The following RRBP1 variants were observed in gnomAD, a reference collection of about 807,000 sequenced individuals.
RRBP1 encodes the protein ribosome-binding protein 1.
Under a neutral mutation model 165.2 loss-of-function variants are expected in RRBP1, and 94 were observed. The ratio of observed to expected loss-of-function variants is 0.57; its 90% confidence interval spans 0.48 to 0.68. RRBP1 has a LOEUF of 0.68. RRBP1 is among the 30% of genes least tolerant of loss of function. The pLI is 0.00. For missense variants in RRBP1, 1,676 were observed against 1,763.0 expected (o/e 0.95, Z 0.88); for synonymous variants, 680 against 714.5 (o/e 0.95, Z 0.77).
chr20:17,654,342 C>T (rs2036610381), intron 3 of RRBP1, among the ~76,000 whole-genome samples: 1 of 152,168 alleles, frequency 6.6e-6, no homozygotes. Flanking sequence ...AGATGCTGCT[C>T]CCCCAGTGAG....
chr20:17,615,599 A>G (rs1342857022), intron 22 of RRBP1, 70 bp from the exon 23 acceptor site: 15 of 1,334,120 alleles, frequency 1.1e-5, no homozygotes, highest in Non-Finnish European at 1.5e-5. Flanking sequence ...GACCCTACCG[A>G]GCACGCCTGG....
In RRBP1 at chr20:17,633,427, C is replaced by G. The variant is rs1555813575; in HGVS notation, c.2610+33G>C. The G allele has an allele frequency of 4.4e-6, 7 of 1,601,242 alleles. No homozygotes were observed. In the Admixed American group the frequency reaches 1.2e-4, roughly 27 times the overall value. On this transcript the variant is annotated intron_variant, in intron 8 of 24. Transcript: ENST00000377813. ...GCAGACAGGCTTGCTGGGCAGTGAA[C>G]AGGGCACTGAGGCGGCCACTGCCCC...
chr20:17,675,190 A>G (rs757412394), intron 2 of RRBP1, among the ~76,000 whole-genome samples: 3 of 152,262 alleles, frequency 2.0e-5, no homozygotes, highest in Non-Finnish European at 4.4e-5. Flanking sequence ...TGCCCTCTGC[A>G]TGTGACTGTC....
chr20:17,676,661 AAC>A (rs1449673736), intron 2 of RRBP1, among the ~76,000 whole-genome samples: 5 of 152,218 alleles, frequency 3.3e-5, no homozygotes, highest in Non-Finnish European at 7.3e-5. Flanking sequence ...AGAGAGGACA[AAC>A]ACAGTCCACG....
intron 3 of RRBP1, among the ~76,000 whole-genome samples, chr20:17,656,401 C>T (rs1265614348): frequency 6.6e-6 from 1 of 152,192 alleles, no homozygotes; most frequent in African/African-American, 2.4e-5. Context: ...TCTGGGCTAA[C>T]CCATATTCAT....
intron 3 of RRBP1, among the ~76,000 whole-genome samples, chr20:17,648,171 C>A (rs2036498064): frequency 1.3e-5 from 2 of 152,176 alleles, no homozygotes; most frequent in African/African-American, 4.8e-5. Context: ...AGGTGGGACG[C>A]AAGACGCTCT....
chr20:17,637,877 A>G (rs2036277053), intron 5 of RRBP1, among the ~76,000 whole-genome samples: 1 of 152,190 alleles, frequency 6.6e-6, no homozygotes, highest in African/African-American at 2.4e-5. Context: ...ATGAGCTGAC[A>G]CTGCGCCCCA....
chr20:17,638,123 TA>T (rs1253746672), intron 5 of RRBP1, among the ~76,000 whole-genome samples: 1 of 152,154 alleles, frequency 6.6e-6, no homozygotes, highest in African/African-American at 2.4e-5. Context: ...GAGGACAGCT[TA>T]GCGGTGATTC....
intron 3 of RRBP1, among the ~76,000 whole-genome samples, chr20:17,654,876 CCT>C (rs1339897202): frequency 2.0e-5 from 3 of 152,204 alleles, no homozygotes; most frequent in Non-Finnish European, 2.9e-5. Context: ...TCCAGCAGCC[CCT>C]GCCTTCCAGG....
chr20:17,649,739 C>T (rs2122399894), intron 3 of RRBP1, among the ~76,000 whole-genome samples: 1 of 152,268 alleles, frequency 6.6e-6, no homozygotes, highest in South Asian at 2.1e-4. Context: ...ACCCCAGCCC[C>T]ATTAGATTGC....
At chr20:17,644,358 T>C (rs1300412690) in intron 3 of RRBP1, among the ~76,000 whole-genome samples, 1 of 152,166 alleles carries the variant, frequency 6.6e-6, no homozygotes, top group Non-Finnish European at 1.5e-5. Flanking sequence ...TTCACTGAAA[T>C]ACGTGTATGT....
Position 17,629,881 on chromosome 20 carries a change from G to C in RRBP1, c.2691C>G (p.Ser897Arg). The C allele has an allele frequency of 6.2e-7, 1 of 1,600,346 alleles. No homozygotes were observed. The highest frequency in any genetic ancestry group is 1.7e-4 in the Middle Eastern group (1 of 6,052). The change falls in exon 9 of 25, where the codon AGC becomes AGG. Residue 897 changes from serine to arginine, a missense_variant. This residue lies in a region of RRBP1 where 1,184 missense variants were observed against 1,167.1 expected (regional missense o/e 1.01). Transcript: ENST00000377813. ...CGGCATCCGCCCGGAGGCTGGCGTG[G>C]CTGCTCTGCGTGTGGCACAGCTCCC... ...VSRELCHTQS[S>R]HASLRADAEK...
chr20:17,659,745 TTCC>T lies in RRBP1; in HGVS notation c.760_762del (p.Gly254del), dbSNP rs889875025. 6.5e-7 allele frequency: 1 copy of T among 1,549,876 alleles called. No individual in the cohort carries two copies. The highest frequency in any genetic ancestry group is 1.4e-5 in the African/African-American group (1 of 72,846). On this transcript the variant is annotated inframe_deletion, in exon 3 of 25. Coordinates refer to ENST00000377813, the MANE Select transcript of RRBP1 (RefSeq NM_001365613.2). ...TCCGCCTTTTTGCCTTGGTTTGGGG[TTCC>T]TTCTGCCTTTTTGCCTTGGTTTGGG...
At chr20:17,662,155 C>T (rs902805917) in intron 2 of RRBP1, among the ~76,000 whole-genome samples, 2 of 151,766 alleles carry the variant, frequency 1.3e-5, no homozygotes, top group East Asian at 1.9e-4. Context: ...CCAGGCTACT[C>T]GGGAGGCTGA....
At chr20:17,629,364 G>A (rs73898386) in intron 9 of RRBP1, among the ~76,000 whole-genome samples, 2,650 of 152,336 alleles carry the variant, frequency 0.017, 80 homozygotes, top group African/African-American at 0.061. Flanking sequence ...CCACAGGCTT[G>A]TAAATCCTGC....
rs183094934 is a variant in RRBP1 at position 17,675,554 on chromosome 20, G to C, written c.-22+4445C>G. ...ATGCAGAGAAGGGGGGCAGGGAGTG[G>C]GGGTGGGAGAGCGTCAGAGGCTGAC... On this transcript the variant is annotated intron_variant, in intron 2 of 24. Coordinates refer to ENST00000377813, the MANE Select transcript of RRBP1 (RefSeq NM_001365613.2). Among the ~76,000 whole-genome samples, 223 of 151,888 alleles carry C rather than the reference G, an allele frequency of 1.5e-3. 3 individuals are homozygous for C. Among genetic ancestry groups the C allele is most frequent in the African/African-American group, 5.1e-3 (213 of 41,400 alleles).
In RRBP1 at chr20:17,625,500, T is replaced by C. The variant is rs1266534313; in HGVS notation, c.3054+12A>G. The C allele has an allele frequency of 1.2e-6, 2 of 1,612,630 alleles. No homozygotes were observed. The highest frequency in any genetic ancestry group is 2.2e-5 in the East Asian group (1 of 44,856). On this transcript the variant is annotated intron_variant, in intron 12 of 24. Transcript: ENST00000377813. ...TGGCCCGTCCGTCCCCGCCTGTGCC[T>C]GCCGCACTCACATTGTTCTTCACTT... is the stretch of plus-strand genomic sequence containing the variant.
Position 17,614,795 on chromosome 20 carries a change from T to C in RRBP1, c.4136A>G (p.Glu1379Gly). 6.2e-7 allele frequency: 1 copy of C among 1,613,878 alleles called. No individual in the cohort carries two copies. Among genetic ancestry groups the C allele is most frequent in the Non-Finnish European group, 8.5e-7 (1 of 1,180,026 alleles). ...CGTGTCCTTCTCCCTTGCCAGCTGC[T>C]CCTGGGTCGTCTTCAGAAGCTCCTG... is the stretch of plus-strand genomic sequence containing the variant. The part of the protein sequence containing the change: ...RLQELLKTTQ[E>G]QLAREKDTVK... The change falls in exon 24 of 25, where the codon GAG becomes GGG. Residue 1379 changes from glutamate to glycine, a missense_variant. Glu to Gly is a moderately conservative substitution (Grantham distance 98). Coordinates refer to ENST00000377813, the MANE Select transcript of RRBP1 (RefSeq NM_001365613.2).
At chr20:17,632,089 G>A (rs1373533157) in intron 8 of RRBP1, among the ~76,000 whole-genome samples, 5 of 152,312 alleles carry the variant, frequency 3.3e-5, no homozygotes, top group Admixed American at 6.5e-5. Context: ...TGGGAAAACT[G>A]AGGCTCTGAA....
Sources: gnomAD v4.1 joint callset for allele counts (sites outside exome capture counted in the v4.1 genomes callset) on GRCh38, gnomAD v4.1.1 for gene constraint, gnomAD v4.1.1 regional missense constraint, MANE v1.5 for transcripts, NCBI Gene and HGNC (gene_info 2026-07-23, HGNC 2026-07-21) for gene names.